Variants in PTPRN2 observed in about 807,000 individuals in gnomAD.
PTPRN2 encodes receptor-type tyrosine-protein phosphatase N2.
A neutral mutation model predicts 118.8 loss-of-function variants in PTPRN2; 74 were observed. The ratio of observed to expected loss-of-function variants is 0.62; its 90% confidence interval spans 0.52 to 0.76. The LOEUF (loss-of-function observed/expected upper bound fraction) is 0.76. PTPRN2 is among the 30% of genes least tolerant of loss of function. PTPRN2 has a pLI of 0.00. For missense variants in PTPRN2, 1,481 were observed against 1,394.4 expected (o/e 1.06, Z -0.99); for synonymous variants, 641 against 608.0 (o/e 1.05, Z -0.80).
At position 158,055,696 on chromosome 7, in the gene PTPRN2, G is replaced by A. The variant is rs1268072631; in HGVS notation, c.1723+25602C>T. 2.6e-5 allele frequency among the ~76,000 whole-genome samples: 4 copies of A among 152,184 alleles called. 1 individual carries two copies. The East Asian group carries it at 7.7e-4, about 29-fold the overall frequency. ...TGCCTCGGCTGCCAAACAGGGAAGG[G>A]CCCCCTGTCCAGTGGACACGTAACC... On this transcript the variant is annotated intron_variant, in intron 11 of 22. Coordinates refer to ENST00000389418, the MANE Select transcript of PTPRN2 (RefSeq NM_002847.5).
intron 21 of PTPRN2, among the ~76,000 whole-genome samples, chr7:157,567,975 G>A (rs1799571854): frequency 6.6e-6 from 1 of 152,130 alleles, no homozygotes; most frequent in Non-Finnish European, 1.5e-5. Flanking sequence ...CTCCTCTCAA[G>A]CTCACCTGCC....
intron 2 of PTPRN2, among the ~76,000 whole-genome samples, chr7:158,430,996 G>A (rs1816130374): frequency 6.6e-6 from 1 of 152,150 alleles, no homozygotes; most frequent in Non-Finnish European, 1.5e-5. Context: ...AGCCCTTGAG[G>A]GAGCTGGCTA....
intron 3 of PTPRN2, among the ~76,000 whole-genome samples, chr7:158,282,990 C>T (rs1467974277): frequency 1.3e-5 from 2 of 151,706 alleles, no homozygotes; most frequent in Non-Finnish European, 2.9e-5. Context: ...CGTCCCTCCT[C>T]ATGCTCCCAC....
chr7:158,521,125 T>G (rs1363978587), intron 1 of PTPRN2, among the ~76,000 whole-genome samples: 4 of 152,262 alleles, frequency 2.6e-5, no homozygotes, highest in Non-Finnish European at 5.9e-5. Context: ...GAATGCTGTC[T>G]GCGTAGTCAT....
At chr7:158,141,197 G>A (rs974662702) in intron 6 of PTPRN2, among the ~76,000 whole-genome samples, 2 of 152,218 alleles carry the variant, frequency 1.3e-5, no homozygotes, top group Admixed American at 1.3e-4. Context: ...TACAATAGAA[G>A]CGGAGGAATT....
At chr7:157,915,664 A>G (rs1798354464) in intron 11 of PTPRN2, among the ~76,000 whole-genome samples, 1 of 152,148 alleles carries the variant, frequency 6.6e-6, no homozygotes, top group South Asian at 2.1e-4. Context: ...TATAGACCAC[A>G]AGATCATGAA....
intron 3 of PTPRN2, among the ~76,000 whole-genome samples, chr7:158,289,234 T>C (rs1290898922): frequency 1.3e-5 from 2 of 152,202 alleles, no homozygotes; most frequent in Non-Finnish European, 2.9e-5. Context: ...TGGAATGTTT[T>C]CTCATATTAT....
In PTPRN2 at chr7:157,990,955, T is replaced by C. The variant is rs1323100008; in HGVS notation, c.1723+90343A>G. Among the ~76,000 whole-genome samples, 2 of 151,924 alleles carry C rather than the reference T, an allele frequency of 1.3e-5. No individual in the cohort carries two copies. Among genetic ancestry groups the C allele is most frequent in the Admixed American group, 6.6e-5 (1 of 15,258 alleles). On this transcript the variant is annotated intron_variant, in intron 11 of 22. Coordinates refer to ENST00000389418, the MANE Select transcript of PTPRN2 (RefSeq NM_002847.5). This position sits in a 1 kb window ranked among gnomAD's most constrained non-coding sequence, Gnocchi z 4.3. ...CAAGATGTGCCCCAGATCCCCAGAG[T>C]CCAGCGAACTTCCCTGGCCCTGGCC...
chr7:158,572,031 C>A (rs1484293722), intron 1 of PTPRN2, among the ~76,000 whole-genome samples: 1 of 152,136 alleles, frequency 6.6e-6, no homozygotes, highest in African/African-American at 2.4e-5. Context: ...CTTCTGGAAG[C>A]ACAGAAGGTT....
intron 3 of PTPRN2, among the ~76,000 whole-genome samples, chr7:158,230,869 G>A (rs1377625979): frequency 6.6e-6 from 1 of 152,148 alleles, no homozygotes; most frequent in Non-Finnish European, 1.5e-5. Flanking sequence ...CCAATTAAAA[G>A]ATATAGAATG....
intron 3 of PTPRN2, among the ~76,000 whole-genome samples, chr7:158,277,083 G>T (rs10244848): frequency 7.9e-5 from 12 of 152,068 alleles, no homozygotes; most frequent in African/African-American, 2.9e-4. Flanking sequence ...CAGCCCCTTC[G>T]TCAGAAGCCA....
At chr7:157,911,423 G>T (rs1026870947) in intron 11 of PTPRN2, among the ~76,000 whole-genome samples, 1 of 152,172 alleles carries the variant, frequency 6.6e-6, no homozygotes, top group Non-Finnish European at 1.5e-5. Flanking sequence ...TGTGTATAAC[G>T]TTCAGTGTTT....
intron 12 of PTPRN2, among the ~76,000 whole-genome samples, chr7:157,749,482 TC>T (rs1464518632): frequency 7.1e-6 from 1 of 141,652 alleles, no homozygotes; most frequent in African/African-American, 2.7e-5. Context: ...CTGTGGGTTG[TC>T]TGGGTGATTC....
intron 11 of PTPRN2, among the ~76,000 whole-genome samples, chr7:157,930,263 A>G (rs1426251167): frequency 1.3e-5 from 2 of 152,204 alleles, no homozygotes; most frequent in African/African-American, 2.4e-5. Context: ...CTAAAATATT[A>G]ATAGCATACA....
At chr7:157,665,642 G>A (rs2366648) in intron 13 of PTPRN2, among the ~76,000 whole-genome samples, 58,275 of 151,870 alleles carry the variant, frequency 0.38, 12,217 homozygotes, top group Non-Finnish European at 0.49. Context: ...TGTGAACTAA[G>A]AAAAGGACTA....
chr7:157,775,170 T>A (rs1349081360), intron 12 of PTPRN2, among the ~76,000 whole-genome samples: 1 of 152,142 alleles, frequency 6.6e-6, no homozygotes, highest in Non-Finnish European at 1.5e-5. Flanking sequence ...TAGGCTCAGA[T>A]GTGACTTGGG....
At chr7:158,258,854 C>A (rs1328198973) in intron 3 of PTPRN2, among the ~76,000 whole-genome samples, 3 of 152,218 alleles carry the variant, frequency 2.0e-5, no homozygotes, top group Non-Finnish European at 2.9e-5. Flanking sequence ...CCAGAAGTCT[C>A]CTGCAGCCAC....
At chr7:157,908,522 G>T (rs1022191171) in intron 11 of PTPRN2, among the ~76,000 whole-genome samples, 1 of 152,166 alleles carries the variant, frequency 6.6e-6, no homozygotes, top group East Asian at 1.9e-4. Context: ...TTCTTTGCAC[G>T]TCGGCTCACA....
intron 3 of PTPRN2, among the ~76,000 whole-genome samples, chr7:158,247,764 G>C (rs1391000385): frequency 6.6e-6 from 1 of 152,154 alleles, no homozygotes; most frequent in Non-Finnish European, 1.5e-5. Flanking sequence ...TTACAGGCAT[G>C]CACCACCATG....
Sources: allele counts gnomAD v4.1 joint callset (sites outside exome capture counted in the v4.1 genomes callset), GRCh38; gene constraint gnomAD v4.1.1; non-coding constraint Gnocchi (gnomAD v3.1); transcripts MANE v1.5; gene names NCBI Gene and HGNC (gene_info 2026-07-23, HGNC 2026-07-21).